DIP2C: variants seen among roughly 807,000 people sequenced by gnomAD.
DIP2C encodes the protein DIP2 acetate--CoA ligase C (putative), also known as disco-interacting protein 2 homolog C.
DIP2C carries 33 observed loss-of-function variants against 192.4 expected under a neutral mutation model. The observed-to-expected ratio is 0.17, with a 90% CI of 0.13 to 0.23. DIP2C has a LOEUF of 0.23. DIP2C is among the 10% of genes least tolerant of loss of function. DIP2C has a pLI of 1.00. For synonymous variants in DIP2C, 979 were observed against 864.1 expected (o/e 1.13, Z -2.33); for missense variants, 1,537 against 2,110.1 (o/e 0.73, Z 5.32).
chr10:343,818 G>A (rs970822240), intron 28 of DIP2C, among the ~76,000 whole-genome samples: 1 of 152,202 alleles, frequency 6.6e-6, no homozygotes, highest in Non-Finnish European at 1.5e-5. Flanking sequence ...TAAATACCGA[G>A]AGCTTGTGAT....
chr10:674,771 A>AATATATATATATAT (rs375454744), intron 1 of DIP2C, among the ~76,000 whole-genome samples: 489 of 27,616 alleles, frequency 0.018, 30 homozygotes, highest in South Asian at 0.028. Flanking sequence ...CTCCATCTCA[A>AATATATATATATAT]ATATATATAT....
Position 389,613 on chromosome 10 carries a change from G to A in DIP2C, c.1597+378C>T, listed in dbSNP as rs192097424. On this transcript the variant is annotated intron_variant, in intron 13 of 36. Coordinates refer to ENST00000280886, the MANE Select transcript of DIP2C (RefSeq NM_014974.3). ...CACATGCTGAAGCCCAGGCCCCGGC[G>A]TGGCTGTGTGGAGAGCGCACCTTTC... Among the ~76,000 whole-genome samples the A allele has an allele frequency of 2.1e-3, 323 of 152,304 alleles. 1 individual carries two copies. The highest frequency in any genetic ancestry group is 0.014 in the Middle Eastern group (4 of 294).
intron 14 of DIP2C, among the ~76,000 whole-genome samples, chr10:386,153 A>T (rs1962885879): frequency 6.6e-6 from 1 of 152,154 alleles, no homozygotes; most frequent in African/African-American, 2.4e-5. Context: ...TAATGACGAG[A>T]GTGACTAACG....
intron 31 of DIP2C, among the ~76,000 whole-genome samples, chr10:316,237 T>C (rs913140179): frequency 2.6e-5 from 4 of 152,202 alleles, no homozygotes; most frequent in Non-Finnish European, 4.4e-5. Flanking sequence ...AACACAATGT[T>C]TTATGAAAAA....
chr10:401,708 T>C (rs1194556739), intron 9 of DIP2C, among the ~76,000 whole-genome samples: 3 of 149,050 alleles, frequency 2.0e-5, no homozygotes, highest in Non-Finnish European at 4.5e-5. Flanking sequence ...TATGGACAAG[T>C]TTGGTATGTG....
intron 29 of DIP2C, among the ~76,000 whole-genome samples, chr10:335,883 CAA>C (rs781065530): frequency 6.6e-6 from 1 of 152,156 alleles, no homozygotes; most frequent in African/African-American, 2.4e-5. Context: ...CTATTTTACT[CAA>C]AGTGTTACAA....
intron 1 of DIP2C, among the ~76,000 whole-genome samples, chr10:586,784 G>T (rs1851059737): frequency 6.6e-6 from 1 of 152,196 alleles, no homozygotes; most frequent in Non-Finnish European, 1.5e-5. Flanking sequence ...ATAGATAATG[G>T]CTTATCCACT....
chr10:592,948 A>G (rs1851488100), intron 1 of DIP2C, among the ~76,000 whole-genome samples: 2 of 152,198 alleles, frequency 1.3e-5, no homozygotes, highest in African/African-American at 2.4e-5. Context: ...ACACGAGGTC[A>G]CTGTTATTTG....
At chr10:587,586 A>G (rs1165198484) in intron 1 of DIP2C, among the ~76,000 whole-genome samples, 1 of 152,030 alleles carries the variant, frequency 6.6e-6, no homozygotes, top group African/African-American at 2.4e-5. Flanking sequence ...ACCCTCCTGA[A>G]ACCCCACATC....
chr10:276,625 A>G lies in DIP2C; in HGVS notation c.*700T>C, dbSNP rs996771179. On this transcript the variant is annotated 3_prime_UTR_variant, in exon 37 of 37. Transcript: ENST00000280886. ...TACATAATTACATATTGAGGAAGTT[A>G]ACTTATTTTATCTTTTTAGTTTAGT... The G allele has an allele frequency of 6.5e-6, 1 of 152,682 alleles. No homozygotes were observed. Among genetic ancestry groups the G allele is most frequent in the Non-Finnish European group, 1.5e-5 (1 of 68,050 alleles). 9.5% of individuals were successfully genotyped at this position (152,682 alleles called of 1,614,324 possible). A position where few individuals can be genotyped will look rare whatever the true frequency, so the allele number is the denominator to read the frequency against.
At chr10:610,186 G>T (rs567991380) in intron 1 of DIP2C, among the ~76,000 whole-genome samples, 12 of 152,290 alleles carry the variant, frequency 7.9e-5, no homozygotes, top group Admixed American at 7.8e-4. Flanking sequence ...GGAGCTGGAG[G>T]ACATTACATT....
intron 1 of DIP2C, among the ~76,000 whole-genome samples, chr10:615,674 A>G (rs1209824551): frequency 6.6e-6 from 1 of 151,952 alleles, no homozygotes; most frequent in Non-Finnish European, 1.5e-5. Flanking sequence ...TCACCAGCGC[A>G]TTTCACCGAC....
At chr10:672,971 A>T (rs1830721386) in intron 1 of DIP2C, among the ~76,000 whole-genome samples, 1 of 152,248 alleles carries the variant, frequency 6.6e-6, no homozygotes, top group Non-Finnish European at 1.5e-5. Flanking sequence ...AACCCCCTGG[A>T]TCACAGATTA....
chr10:688,126 T>C (rs193089245), intron 1 of DIP2C, among the ~76,000 whole-genome samples: 65 of 152,282 alleles, frequency 4.3e-4, no homozygotes, highest in African/African-American at 1.4e-3. Flanking sequence ...CTGCACAATC[T>C]ACTTACCAGT....
chr10:440,158 T>A (rs1967613700), intron 4 of DIP2C, among the ~76,000 whole-genome samples: 1 of 152,312 alleles, frequency 6.6e-6, no homozygotes. Flanking sequence ...ATTTGGGTAG[T>A]TATGTAAAAT....
chr10:525,636 C>T (rs1362947427), intron 1 of DIP2C, among the ~76,000 whole-genome samples: 1 of 152,170 alleles, frequency 6.6e-6, no homozygotes, highest in Non-Finnish European at 1.5e-5. Context: ...CTCCTGCTTG[C>T]CCACTGAGGA....
intron 19 of DIP2C, among the ~76,000 whole-genome samples, chr10:365,680 CGT>C (rs1282615285): frequency 6.6e-6 from 1 of 152,360 alleles, no homozygotes; most frequent in Non-Finnish European, 1.5e-5. Flanking sequence ...CAGCACTGAA[CGT>C]GTGTCTGAGC....
intron 19 of DIP2C, among the ~76,000 whole-genome samples, chr10:366,043 C>A (rs1019951055): frequency 6.6e-6 from 1 of 152,226 alleles, no homozygotes; most frequent in Non-Finnish European, 1.5e-5. Context: ...AAAAAGGATC[C>A]TTTTTAAAGC....
At position 550,536 on chromosome 10, in the gene DIP2C, T is replaced by C. The variant is rs749577955; in HGVS notation, c.86-64006A>G. ...AGTTTTACTCTGTTTACTATAGATA[T>C]CAACATTCTCCCATTTAAAAATGTC... On this transcript the variant is annotated intron_variant, in intron 1 of 36. Transcript: ENST00000280886. Among the ~76,000 whole-genome samples, 4 of 152,176 alleles carry C rather than the reference T, an allele frequency of 2.6e-5. No individual in the cohort carries two copies. In the South Asian group the frequency reaches 8.3e-4, roughly 32 times the overall value.
Sources: allele counts gnomAD v4.1 joint callset (sites outside exome capture counted in the v4.1 genomes callset), GRCh38; gene constraint gnomAD v4.1.1; transcripts MANE v1.5; gene names NCBI Gene and HGNC (gene_info 2026-07-23, HGNC 2026-07-21).